Variants in PTPRT observed in about 807,000 individuals in gnomAD.
PTPRT encodes the protein protein tyrosine phosphatase receptor type T, also known as receptor-type tyrosine-protein phosphatase T.
In PTPRT, 56 loss-of-function variants were observed where a neutral mutation model predicts 176.8. That is an observed-to-expected ratio of 0.32 (90% CI 0.26 to 0.40). PTPRT has a LOEUF of 0.40. PTPRT is among the 10% of genes least tolerant of loss of function. The pLI, the probability that PTPRT is intolerant of heterozygous loss-of-function variation, is 1.00. For synonymous variants in PTPRT, 783 were observed against 739.0 expected (o/e 1.06, Z -0.96); for missense variants, 1,540 against 1,908.2 (o/e 0.81, Z 3.60).
chr20:42,477,072 A>G (rs2071302926), intron 7 of PTPRT, among the ~76,000 whole-genome samples: 1 of 152,190 alleles, frequency 6.6e-6, no homozygotes, highest in Non-Finnish European at 1.5e-5. Context: ...CCTCAGGTGC[A>G]AGCTCTGTCC....
At chr20:43,053,730 T>C (rs1987133794) in intron 1 of PTPRT, among the ~76,000 whole-genome samples, 1 of 152,148 alleles carries the variant, frequency 6.6e-6, no homozygotes, top group African/African-American at 2.4e-5. Flanking sequence ...CTCTCCACAG[T>C]GTTTGAGGAC....
At chr20:42,791,618 A>C (rs2077377709) in intron 2 of PTPRT, 152 bp from the exon 3 acceptor site, 1 of 773,792 alleles carries the variant, frequency 1.3e-6, no homozygotes, top group South Asian at 2.0e-5. Context: ...CAAAAGCCAC[A>C]TCTCTCTGAG....
chr20:42,758,726 T>C (rs1008889984), intron 5 of PTPRT, among the ~76,000 whole-genome samples: 2 of 152,166 alleles, frequency 1.3e-5, no homozygotes, highest in African/African-American at 4.8e-5. Flanking sequence ...CAGAGCAACA[T>C]GCATGGGGCT....
In PTPRT at chr20:42,079,602, C is replaced by G. The variant is rs573895369; in HGVS notation, c.*1277G>C. ...AAATGTTGGTTCCCTCTCATTGACT[C>G]ACTCACACTTTGGACAAGACCCTAG... On this transcript the variant is annotated 3_prime_UTR_variant, in exon 31 of 31. Coordinates refer to ENST00000373187, the MANE Select transcript of PTPRT (RefSeq NM_007050.6). The G allele has an allele frequency of 8.8e-6, 2 of 226,386 alleles. No individual in the cohort carries two copies. The highest frequency in any genetic ancestry group is 3.7e-4 in the South Asian group (2 of 5,470). 14.0% of individuals were successfully genotyped at this position (226,386 alleles called of 1,614,324 possible). A position where few individuals can be genotyped will look rare whatever the true frequency, so the allele number is the denominator to read the frequency against.
chr20:42,429,415 C>A (rs2059195917), intron 9 of PTPRT, among the ~76,000 whole-genome samples: 1 of 152,086 alleles, frequency 6.6e-6, no homozygotes, highest in African/African-American at 2.4e-5. Context: ...GTCCTAGAAC[C>A]TGAAAGGTCA....
At chr20:42,704,777 A>C (rs1257871920) in intron 6 of PTPRT, among the ~76,000 whole-genome samples, 1 of 152,206 alleles carries the variant, frequency 6.6e-6, no homozygotes, top group Admixed American at 6.5e-5. Context: ...TCTCTGAAGG[A>C]AAGGGTCATG....
intron 7 of PTPRT, among the ~76,000 whole-genome samples, chr20:42,486,722 G>C (rs1441997250): frequency 6.6e-6 from 1 of 151,820 alleles, no homozygotes; most frequent in Non-Finnish European, 1.5e-5. Context: ...CAGGCTATGA[G>C]TTGTGCCCAG....
At chr20:42,669,148 C>G (rs1042373583) in intron 7 of PTPRT, among the ~76,000 whole-genome samples, 4 of 152,108 alleles carry the variant, frequency 2.6e-5, no homozygotes, top group African/African-American at 9.7e-5. Context: ...AGCAGCAAAA[C>G]AAGTTCGGTA....
At chr20:42,982,004 G>T (rs1983311035) in intron 1 of PTPRT, among the ~76,000 whole-genome samples, 1 of 152,138 alleles carries the variant, frequency 6.6e-6, no homozygotes, top group African/African-American at 2.4e-5. Flanking sequence ...GAAGACATAG[G>T]TGGGAAGATC....
At chr20:42,754,069 C>T (rs942908224) in intron 6 of PTPRT, among the ~76,000 whole-genome samples, 3 of 152,106 alleles carry the variant, frequency 2.0e-5, no homozygotes, top group East Asian at 1.9e-4. Context: ...AGACCAGCCA[C>T]GGAAGGTATA....
At chr20:42,287,952 T>C (rs1438110318) in intron 12 of PTPRT, among the ~76,000 whole-genome samples, 1 of 151,988 alleles carries the variant, frequency 6.6e-6, no homozygotes, top group Non-Finnish European at 1.5e-5. Flanking sequence ...GTGAGGGCCA[T>C]GTAATAACAT....
intron 9 of PTPRT, among the ~76,000 whole-genome samples, chr20:42,430,899 A>C (rs1200683679): frequency 6.6e-6 from 1 of 152,028 alleles, no homozygotes; most frequent in Non-Finnish European, 1.5e-5. Flanking sequence ...TGGCATAAAA[A>C]CTCAACACAA....
At chr20:42,710,210 C>G (rs906485575) in intron 6 of PTPRT, among the ~76,000 whole-genome samples, 1 of 152,166 alleles carries the variant, frequency 6.6e-6, no homozygotes, top group Non-Finnish European at 1.5e-5. Context: ...ATAGAGAAAC[C>G]ATTTGCTAGA....
intron 24 of PTPRT, 124 bp from the exon 25 acceptor site, chr20:42,104,842 T>G: frequency 2.9e-6 from 3 of 1,045,110 alleles, no homozygotes; most frequent in South Asian, 1.9e-5. Context: ...TACAGGATCC[T>G]TACTTTTTAT....
chr20:43,030,367 T>C (rs1312095041), intron 1 of PTPRT, among the ~76,000 whole-genome samples: 1 of 152,192 alleles, frequency 6.6e-6, no homozygotes, highest in Admixed American at 6.5e-5. Flanking sequence ...TCATATATGA[T>C]GCTCCAAAAA....
intron 5 of PTPRT, among the ~76,000 whole-genome samples, chr20:42,770,531 A>G (rs6072869): frequency 0.29 from 43,645 of 152,104 alleles, 7,518 homozygotes; most frequent in African/African-American, 0.48. Flanking sequence ...TGGGATGAAC[A>G]AGCAGAAATA....
intron 8 of PTPRT, among the ~76,000 whole-genome samples, chr20:42,451,707 C>T (rs1450955480): frequency 6.6e-6 from 1 of 151,982 alleles, no homozygotes; most frequent in Non-Finnish European, 1.5e-5. Context: ...GCTGAGTAGT[C>T]GAGTAAGATG....
At chr20:42,696,304 G>A (rs191030736) in intron 6 of PTPRT, among the ~76,000 whole-genome samples, 3 of 138,110 alleles carry the variant, frequency 2.2e-5, no homozygotes, top group East Asian at 2.1e-4. Context: ...TTTCTGTTTC[G>A]CTTCCTCCCT....
At chr20:42,283,591 G>T (rs2057177014) in intron 12 of PTPRT, among the ~76,000 whole-genome samples, 1 of 152,086 alleles carries the variant, frequency 6.6e-6, no homozygotes, top group South Asian at 2.1e-4. Context: ...GAGATTGGGG[G>T]TGATTGGGAG....
Sources: allele counts gnomAD v4.1 joint callset (sites outside exome capture counted in the v4.1 genomes callset), GRCh38; gene constraint gnomAD v4.1.1; transcripts MANE v1.5; gene names NCBI Gene and HGNC (gene_info 2026-07-23, HGNC 2026-07-21).